The following RBFOX1 variants were observed in gnomAD, a reference collection of about 807,000 sequenced individuals.
RBFOX1 encodes the protein RNA binding fox-1 homolog 1.
A neutral mutation model predicts 57.7 loss-of-function variants in RBFOX1; 8 were observed. The observed-to-expected ratio is 0.14, with a 90% CI of 0.08 to 0.25. The LOEUF (loss-of-function observed/expected upper bound fraction) is 0.25, where lower values mean the gene tolerates loss of function less well. Among genes scored for constraint, RBFOX1 ranks in the 10% least tolerant of loss-of-function variants. The pLI, the probability that RBFOX1 is intolerant of heterozygous loss-of-function variation, is 1.00. For missense variants in RBFOX1, 611 were observed against 548.5 expected, an observed-to-expected ratio of 1.11 and a Z score of -1.14; for synonymous variants, 326 against 222.4, an observed-to-expected ratio of 1.47 and a Z score of -4.15.
intron 2 of RBFOX1, among the ~76,000 whole-genome samples, chr16:6,346,526 T>A (rs1048304345): frequency 2.6e-5 from 4 of 152,170 alleles, no homozygotes; most frequent in African/African-American, 9.7e-5. Flanking sequence ...CTAATCAAGG[T>A]GCTTCCCTAC....
chr16:7,201,225 C>T (rs1210686322), intron 4 of RBFOX1, among the ~76,000 whole-genome samples: 4 of 152,048 alleles, frequency 2.6e-5, no homozygotes, highest in East Asian at 1.9e-4. Context: ...GAGAAACATC[C>T]CAAACCAAAG....
chr16:7,687,152 T>A (rs2076242217), intron 14 of RBFOX1, among the ~76,000 whole-genome samples: 1 of 152,106 alleles, frequency 6.6e-6, no homozygotes, highest in South Asian at 2.1e-4. Context: ...GTATACCCTG[T>A]CTCATTCTAC....
At chr16:5,347,415 TG>T (rs1567366388) in intron 1 of RBFOX1, among the ~76,000 whole-genome samples, 1 of 152,156 alleles carries the variant, frequency 6.6e-6, no homozygotes, top group Non-Finnish European at 1.5e-5. Flanking sequence ...CTATGTCAGG[TG>T]GTGTACAAGA....
chr16:6,675,156 G>A (rs535640320), intron 3 of RBFOX1, among the ~76,000 whole-genome samples: 34 of 151,900 alleles, frequency 2.2e-4, no homozygotes, highest in Non-Finnish European at 4.6e-4. Context: ...CGCCCACCTC[G>A]GCCTCCCAAA....
At chr16:7,139,319 C>G (rs910846390) in intron 4 of RBFOX1, among the ~76,000 whole-genome samples, 1 of 152,068 alleles carries the variant, frequency 6.6e-6, no homozygotes, top group African/African-American at 2.4e-5. Flanking sequence ...CTTCAACAAC[C>G]AGCTTTTGGA....
intron 2 of RBFOX1, among the ~76,000 whole-genome samples, chr16:6,471,939 A>G (rs1230975420): frequency 6.6e-6 from 1 of 152,028 alleles, no homozygotes; most frequent in Non-Finnish European, 1.5e-5. Context: ...CAAGGCAACA[A>G]CTTCCCCCGT....
At chr16:6,746,605 G>T (rs1301988365) in intron 3 of RBFOX1, among the ~76,000 whole-genome samples, 1 of 151,976 alleles carries the variant, frequency 6.6e-6, no homozygotes, top group African/African-American at 2.4e-5. Context: ...CTGAACCTGG[G>T]AAGTTGAGGC....
At chr16:6,935,819 C>G (rs1160872392) in intron 3 of RBFOX1, among the ~76,000 whole-genome samples, 1 of 152,132 alleles carries the variant, frequency 6.6e-6, no homozygotes, top group Non-Finnish European at 1.5e-5. Flanking sequence ...TAAGGCATGC[C>G]ACAGAGTTTA....
intron 2 of RBFOX1, among the ~76,000 whole-genome samples, chr16:5,591,275 G>A (rs1021986512): frequency 6.8e-6 from 1 of 147,054 alleles, no homozygotes; most frequent in Non-Finnish European, 1.5e-5. Context: ...TTTTGAGACG[G>A]AGTTTCTCTT....
intron 3 of RBFOX1, among the ~76,000 whole-genome samples, chr16:6,829,792 G>C (rs976132796): frequency 2.5e-4 from 38 of 152,158 alleles, no homozygotes; most frequent in African/African-American, 8.7e-4. Flanking sequence ...AGTAGAAATA[G>C]GATTTCGCCA....
intron 3 of RBFOX1, among the ~76,000 whole-genome samples, chr16:5,693,723 T>G (rs896693282): frequency 1.3e-5 from 2 of 152,206 alleles, no homozygotes; most frequent in African/African-American, 4.8e-5. Flanking sequence ...GACTTCCTCT[T>G]TCCCATTCTA....
chr16:7,264,463 C>T (rs535809078), intron 4 of RBFOX1, among the ~76,000 whole-genome samples: 21 of 152,330 alleles, frequency 1.4e-4, no homozygotes, highest in Admixed American at 1.1e-3. Context: ...AAAGCTAAGT[C>T]TCTGAGCTAG....
At chr16:7,605,388 C>T (rs539513470) in intron 9 of RBFOX1, among the ~76,000 whole-genome samples, 2 of 152,232 alleles carry the variant, frequency 1.3e-5, no homozygotes, top group East Asian at 3.9e-4. Context: ...TTCTGTCACT[C>T]TAAAAAGGGG....
intron 3 of RBFOX1, among the ~76,000 whole-genome samples, chr16:6,897,755 T>A (rs751647310): frequency 1.3e-4 from 20 of 152,154 alleles, no homozygotes; most frequent in Non-Finnish European, 1.8e-4. Flanking sequence ...ATCATGCTGT[T>A]ACACTCCAGC....
At chr16:5,724,287 C>A (rs551961005) in intron 3 of RBFOX1, among the ~76,000 whole-genome samples, 15 of 152,276 alleles carry the variant, frequency 9.9e-5, no homozygotes, top group Admixed American at 7.2e-4. Context: ...TGAGCCAGGG[C>A]CCTTGCGCAC....
At chr16:6,086,976 A>G (rs954180634) in intron 1 of RBFOX1, among the ~76,000 whole-genome samples, 27 of 152,342 alleles carry the variant, frequency 1.8e-4, no homozygotes, top group African/African-American at 5.8e-4. Flanking sequence ...ACAAAGCTGT[A>G]GCAACACATC....
At chr16:6,659,982 G>T (rs546818609) in intron 3 of RBFOX1, among the ~76,000 whole-genome samples, 1 of 152,244 alleles carries the variant, frequency 6.6e-6, no homozygotes, top group Admixed American at 6.5e-5. Flanking sequence ...TGTAATCCCA[G>T]CACTTTTGGA....
At chr16:7,378,782 T>C (rs900835535) in intron 4 of RBFOX1, among the ~76,000 whole-genome samples, 1 of 152,176 alleles carries the variant, frequency 6.6e-6, no homozygotes, top group Non-Finnish European at 1.5e-5. Context: ...ACGGACACTC[T>C]TGGGCACACT....
intron 4 of RBFOX1, among the ~76,000 whole-genome samples, chr16:7,178,112 T>G (rs1169712523): frequency 6.6e-6 from 1 of 152,218 alleles, no homozygotes; most frequent in Non-Finnish European, 1.5e-5. Flanking sequence ...ACCCCCAGGA[T>G]GTCAGTGACA....
Sources: allele counts gnomAD v4.1 joint callset (sites outside exome capture counted in the v4.1 genomes callset), GRCh38; gene constraint gnomAD v4.1.1; transcripts MANE v1.5; gene names NCBI Gene and HGNC (gene_info 2026-07-23, HGNC 2026-07-21).